Variants in LRRC56 observed in about 807,000 individuals in gnomAD.
The protein encoded by LRRC56 is leucine-rich repeat-containing protein 56.
In LRRC56, 41 loss-of-function variants were observed where a neutral mutation model predicts 47.8. That is an observed-to-expected ratio of 0.86 (90% CI 0.67 to 1.11). The LOEUF (loss-of-function observed/expected upper bound fraction) is 1.11, where lower values mean the gene tolerates loss of function less well. LRRC56 is among the 50% of genes most tolerant of loss of function. The pLI, the probability that LRRC56 is intolerant of heterozygous loss-of-function variation, is 0.00. For missense variants in LRRC56, 759 were observed against 704.2 expected, an observed-to-expected ratio of 1.08 and a Z score of -0.88; for synonymous variants, 387 against 311.2, an observed-to-expected ratio of 1.24 and a Z score of -2.56.
chr11:521,457 C>T, the LRRC56 span, among the ~76,000 whole-genome samples: 1 of 152,180 alleles, frequency 6.6e-6, no homozygotes, highest in African/African-American at 2.4e-5. Flanking sequence ...TACAAGCACA[C>T]ACCACTGTGC....
intron 6 of LRRC56, among the ~76,000 whole-genome samples, chr11:547,302 T>C (rs762766051): frequency 6.9e-6 from 1 of 144,722 alleles, no homozygotes; most frequent in African/African-American, 2.7e-5. Context: ...GATATTCTAA[T>C]GGAGATGGCT....
chr11:528,307 G>A, the LRRC56 span, among the ~76,000 whole-genome samples: 2 of 152,222 alleles, frequency 1.3e-5, no homozygotes, highest in Admixed American at 6.5e-5. Context: ...ACGGGCAGGC[G>A]GCGCCCGGGA....
At chr11:550,389 C>T in intron 8 of LRRC56, 117 bp downstream of exon 8, 2 of 965,168 alleles carry the variant, frequency 2.1e-6, no homozygotes, top group Non-Finnish European at 3.0e-6. Context: ...ACCCTATGGC[C>T]TGCTCACCAT....
In LRRC56 at chr11:551,422, C is replaced by T. The variant is rs145047768; in HGVS notation, c.796+120C>T. 11,255 of 814,632 alleles carry T rather than the reference C, an allele frequency of 0.014. 226 individuals are homozygous for T. The highest frequency in any genetic ancestry group is 0.012 in the Non-Finnish European group (6,400 of 523,912). The allele number at this position is 814,632 out of a possible 1,614,324, so 50.5% of individuals were successfully genotyped here. A position where few individuals can be genotyped will look rare whatever the true frequency, so the allele number is the denominator to read the frequency against. ...TCTCATGCGCTTCTCCAGCCTTGAC[C>T]CCGGTCCCCAGAGCTGTGCACACCC... On this transcript the variant is annotated intron_variant, in intron 9 of 13. Transcript: ENST00000270115.
At chr11:546,151 C>T (rs539458013) in intron 6 of LRRC56, among the ~76,000 whole-genome samples, 16 of 152,186 alleles carry the variant, frequency 1.1e-4, no homozygotes, top group East Asian at 5.8e-4. Context: ...ATGCCTGTAA[C>T]CCCAGCTGCT....
At chr11:540,474 C>T (rs1851735360) in intron 3 of LRRC56, among the ~76,000 whole-genome samples, 200 bp from the exon 4 acceptor site, 1 of 152,044 alleles carries the variant, frequency 6.6e-6, no homozygotes, top group Non-Finnish European at 1.5e-5. Context: ...AGCGTGAGGC[C>T]CTCCAGGCTG....
At chr11:525,514 GGGTGACAGA>G in the LRRC56 span, among the ~76,000 whole-genome samples, 12 of 151,944 alleles carry the variant, frequency 7.9e-5, no homozygotes, top group South Asian at 6.2e-4. Context: ...ACTCCAGCCT[GGGTGACAGA>G]GGTGACAGAG....
At chr11:533,515 C>T (rs1564788957), upstream of LRRC56, 1 of 1,613,742 alleles carries the variant, frequency 6.2e-7, no homozygotes, top group Non-Finnish European at 8.5e-7. Context: ...AGGTCCTGAG[C>T]CTGCCGAGAT....
At chr11:539,322 T>C (rs1053739144) in intron 2 of LRRC56, among the ~76,000 whole-genome samples, 1 of 151,100 alleles carries the variant, frequency 6.6e-6, no homozygotes, top group South Asian at 2.1e-4. Flanking sequence ...CCTGATCTTG[T>C]GATCTGCCCG....
At chr11:551,603 C>T (rs750375633) in intron 9 of LRRC56, 48 bp from the exon 10 acceptor site, 51 of 1,514,700 alleles carry the variant, frequency 3.4e-5, no homozygotes, top group Admixed American at 2.2e-4. Flanking sequence ...GTCTGGGGGG[C>T]GCTCTCAGGC....
the LRRC56 span, among the ~76,000 whole-genome samples, chr11:509,810 G>A: frequency 4.7e-5 from 7 of 148,710 alleles, no homozygotes; most frequent in South Asian, 6.4e-4. Flanking sequence ...TGATTCGCCC[G>A]CCTCAACCTC....
Position 554,602 on chromosome 11 carries a change from G to A in LRRC56, c.*326G>A, listed in dbSNP as rs184156984. The A allele has an allele frequency of 6.7e-3, 2,745 of 409,236 alleles. 27 individuals are homozygous for A. The highest frequency in any genetic ancestry group is 0.013 in the Admixed American group (299 of 23,494). The allele number at this position is 409,236 out of a possible 1,614,324, so 25.4% of individuals were successfully genotyped here. On this transcript the variant is annotated 3_prime_UTR_variant, in exon 14 of 14. Coordinates refer to ENST00000270115, the MANE Select transcript of LRRC56 (RefSeq NM_198075.4). ...GGCCTGTGAGAGGCCTCTCCTGCTA[G>A]AATTGGGCATGGCCGAGGGGCAGGG... is the stretch of plus-strand genomic sequence containing the variant.
At chr11:534,170 C>G, upstream of LRRC56, 1 of 1,497,738 alleles carries the variant, frequency 6.7e-7, no homozygotes, top group South Asian at 1.1e-5. Context: ...CTGGGCTCGC[C>G]CGCAGCAGCT....
At chr11:549,831 ACAGC>A (rs1852280281) in intron 6 of LRRC56, 67 bp from the exon 7 acceptor site, 1 of 1,379,668 alleles carries the variant, frequency 7.2e-7, no homozygotes, top group Non-Finnish European at 1.0e-6. Flanking sequence ...ACCCCTGAAG[ACAGC>A]CAAAGGCAGG....
chr11:511,179 G>C, the LRRC56 span, among the ~76,000 whole-genome samples: 1 of 151,768 alleles, frequency 6.6e-6, no homozygotes, highest in Non-Finnish European at 1.5e-5. Context: ...AAATTAGCCG[G>C]GCGTGGTGGC....
In LRRC56 at chr11:554,837, A is replaced by G. The variant is rs1647911850; in HGVS notation, c.*561A>G. 1.6e-6 allele frequency: 1 copy of G among 624,770 alleles called. No individual in the cohort carries two copies. The highest frequency in any genetic ancestry group is 2.6e-6 in the Non-Finnish European group (1 of 391,662). The allele number at this position is 624,770 out of a possible 1,614,324, so 38.7% of individuals were successfully genotyped here. A position where few individuals can be genotyped will look rare whatever the true frequency, so the allele number is the denominator to read the frequency against. Reference sequence around the variant, plus strand: ...GCAGGACGCCCCGGAACCCAAACCAACATTTCCAGCTCTCAGGTGTACAGA... The same window carrying G: ...GCAGGACGCCCCGGAACCCAAACCAGCATTTCCAGCTCTCAGGTGTACAGA... On this transcript the variant is annotated 3_prime_UTR_variant, in exon 14 of 14. Coordinates refer to ENST00000270115, the MANE Select transcript of LRRC56 (RefSeq NM_198075.4).
the LRRC56 span, among the ~76,000 whole-genome samples, chr11:514,631 G>A: frequency 6.6e-6 from 1 of 152,060 alleles, no homozygotes; most frequent in African/African-American, 2.4e-5. Flanking sequence ...GGGTAGGGTG[G>A]TGGGAGCCCA....
the LRRC56 span, chr11:532,439 C>T: frequency 1.7e-3 from 1,331 of 764,860 alleles, 6 homozygotes; most frequent in African/African-American, 8.7e-3. Flanking sequence ...GCCCTTCCTT[C>T]CTTCCTTGCT....
At chr11:550,305 A>C in intron 8 of LRRC56, 33 bp downstream of exon 8, 2 of 1,491,310 alleles carry the variant, frequency 1.3e-6, no homozygotes, top group Non-Finnish European at 1.8e-6. Flanking sequence ...CAGCATGTGC[A>C]TGGCCAGGAG....
Sources: allele counts gnomAD v4.1 joint callset (sites outside exome capture counted in the v4.1 genomes callset), GRCh38; gene constraint gnomAD v4.1.1; transcripts MANE v1.5; gene names NCBI Gene and HGNC (gene_info 2026-07-23, HGNC 2026-07-21).